Variants in PAWR observed in about 807,000 individuals in gnomAD.
PAWR encodes the protein PRKC apoptosis WT1 regulator protein.
A neutral mutation model predicts 32.0 loss-of-function variants in PAWR; 23 were observed. The observed-to-expected ratio is 0.72, with a 90% CI of 0.52 to 1.02. PAWR has a LOEUF of 1.02. PAWR is among the 50% of genes least tolerant of loss of function. The probability of loss-of-function intolerance (pLI) is 0.00; values close to 1 mark genes in which losing one functional copy is unlikely to be tolerated. For missense variants in PAWR, 457 were observed against 437.7 expected (o/e 1.04, Z -0.39); for synonymous variants, 226 against 187.1 (o/e 1.21, Z -1.70).
chr12:79,651,456 T>C (rs1357356742), intron 2 of PAWR, among the ~76,000 whole-genome samples: 1 of 152,226 alleles, frequency 6.6e-6, no homozygotes, highest in African/African-American at 2.4e-5. Context: ...CAGATCTTCA[T>C]CTTCCGTATC....
intron 2 of PAWR, among the ~76,000 whole-genome samples, chr12:79,686,246 A>C (rs1878673943): frequency 6.6e-6 from 1 of 152,144 alleles, no homozygotes. Flanking sequence ...TAACTTCACA[A>C]ACCCCCTGGA....
intron 2 of PAWR, among the ~76,000 whole-genome samples, chr12:79,671,123 TAAA>T (rs80196711): frequency 4.6e-4 from 46 of 98,982 alleles, no homozygotes; most frequent in African/African-American, 1.4e-3. Flanking sequence ...CCTTAGCACT[TAAA>T]AAAAAAAAAA....
intron 4 of PAWR, chr12:79,604,418 TA>T: frequency 4.9e-6 from 5 of 1,029,344 alleles, no homozygotes; most frequent in Non-Finnish European, 5.8e-6. Context: ...ACTATTATTC[TA>T]AAACTATCAT....
At chr12:79,673,464 T>C (rs913134311) in intron 2 of PAWR, among the ~76,000 whole-genome samples, 4 of 152,188 alleles carry the variant, frequency 2.6e-5, no homozygotes, top group African/African-American at 9.7e-5. Flanking sequence ...GTTCTTCAAG[T>C]TTGCTTCCTG....
At chr12:79,670,146 C>G (rs1201764490) in intron 2 of PAWR, among the ~76,000 whole-genome samples, 2 of 152,146 alleles carry the variant, frequency 1.3e-5, no homozygotes, top group Non-Finnish European at 2.9e-5. Context: ...CGTTGCACCA[C>G]AGCATGTTTC....
intron 2 of PAWR, among the ~76,000 whole-genome samples, chr12:79,623,316 C>T (rs576107196): frequency 2.2e-4 from 34 of 151,970 alleles, no homozygotes; most frequent in Non-Finnish European, 4.9e-4. Flanking sequence ...TGACAACATA[C>T]CAGCAAAATT....
chr12:79,674,796 A>G (rs1369967590), intron 2 of PAWR, among the ~76,000 whole-genome samples: 4 of 152,198 alleles, frequency 2.6e-5, no homozygotes, highest in Admixed American at 2.6e-4. Flanking sequence ...AGCAACAAGC[A>G]TATGAAAAAA....
intron 2 of PAWR, among the ~76,000 whole-genome samples, chr12:79,630,637 A>G (rs1875572062): frequency 1.3e-5 from 2 of 152,126 alleles, no homozygotes; most frequent in Non-Finnish European, 2.9e-5. Context: ...GATAAAATTG[A>G]CAAATTCCGT....
intron 2 of PAWR, among the ~76,000 whole-genome samples, chr12:79,670,167 C>T (rs1444379426): frequency 2.0e-5 from 3 of 152,196 alleles, no homozygotes; most frequent in Non-Finnish European, 4.4e-5. Context: ...TATTGTTTTT[C>T]CCCCATTTTA....
At chr12:79,626,955 T>A (rs1220549159) in intron 2 of PAWR, among the ~76,000 whole-genome samples, 1 of 152,224 alleles carries the variant, frequency 6.6e-6, no homozygotes. Flanking sequence ...TTCCATGGTG[T>A]GTATATGCCA....
intron 2 of PAWR, among the ~76,000 whole-genome samples, chr12:79,644,809 A>G (rs1439112756): frequency 6.6e-6 from 1 of 152,176 alleles, no homozygotes; most frequent in Non-Finnish European, 1.5e-5. Flanking sequence ...ACCCTAAGAT[A>G]GTTTCCAAAC....
intron 2 of PAWR, among the ~76,000 whole-genome samples, chr12:79,665,760 G>C (rs1877571859): frequency 6.6e-6 from 1 of 152,104 alleles, no homozygotes; most frequent in African/African-American, 2.4e-5. Context: ...ACAACTCCCT[G>C]TCTTGCCTCA....
chr12:79,601,251 C>T, intron 4 of PAWR, among the ~76,000 whole-genome samples: 1 of 136,938 alleles, frequency 7.3e-6, no homozygotes, highest in Non-Finnish European at 1.5e-5. Flanking sequence ...CAGGTTCTCA[C>T]TCTGTGGCCC....
At chr12:79,661,608 G>C (rs574312909) in intron 2 of PAWR, among the ~76,000 whole-genome samples, 2 of 152,132 alleles carry the variant, frequency 1.3e-5, no homozygotes, top group Admixed American at 1.3e-4. Context: ...TTTTATGTTA[G>C]TAACATTTTA....
At chr12:79,618,319 G>A (rs1487224375) in intron 3 of PAWR, among the ~76,000 whole-genome samples, 1 of 151,994 alleles carries the variant, frequency 6.6e-6, no homozygotes, top group African/African-American at 2.4e-5. Context: ...AGAAGAGATG[G>A]GGTTTTGTCA....
intron 2 of PAWR, among the ~76,000 whole-genome samples, chr12:79,663,515 T>C (rs1433762440): frequency 6.6e-6 from 1 of 152,142 alleles, no homozygotes; most frequent in African/African-American, 2.4e-5. Flanking sequence ...TTTTACACCG[T>C]GGGAAGCTGA....
intron 2 of PAWR, among the ~76,000 whole-genome samples, chr12:79,680,610 G>T (rs187883231): frequency 1.1e-4 from 16 of 152,176 alleles, no homozygotes; most frequent in Non-Finnish European, 2.1e-4. Context: ...TGCATACCAT[G>T]ATGAGTTTCA....
chr12:79,678,473 TG>T (rs576755741), intron 2 of PAWR, among the ~76,000 whole-genome samples: 201 of 152,384 alleles, frequency 1.3e-3, no homozygotes, highest in African/African-American at 4.7e-3. Flanking sequence ...AACCAATGTG[TG>T]GGCACTGGCA....
rs1486002996 is a variant in PAWR at position 79,588,781 on chromosome 12, T to C, written c.*3826A>G. On this transcript the variant is annotated 3_prime_UTR_variant, in exon 7 of 7. Coordinates refer to ENST00000328827, the MANE Select transcript of PAWR (RefSeq NM_002583.4). The stretch of plus-strand genomic sequence containing the variant: ...TGGGGATAAGGATATGACTTTAACA[T>C]GCTATGAGATTCTAGCTAAGTAAAA... 6.6e-6 allele frequency: 1 copy of C among 152,020 alleles called. No individual in the cohort carries two copies. Among genetic ancestry groups the C allele is most frequent in the Non-Finnish European group, 1.5e-5 (1 of 67,880 alleles). 9.4% of individuals were successfully genotyped at this position (152,020 alleles called of 1,614,324 possible).
Sources: gnomAD v4.1 joint callset for allele counts (sites outside exome capture counted in the v4.1 genomes callset) on GRCh38, gnomAD v4.1.1 for gene constraint, MANE v1.5 for transcripts, NCBI Gene and HGNC (gene_info 2026-07-23, HGNC 2026-07-21) for gene names.